GRAMD1A: variants seen among roughly 807,000 people sequenced by gnomAD.
GRAMD1A encodes the protein GRAM domain containing 1A.
GRAMD1A carries 50 observed loss-of-function variants against 92.0 expected under a neutral mutation model. The observed-to-expected ratio is 0.54, with a 90% CI of 0.43 to 0.69. GRAMD1A has a LOEUF of 0.69. GRAMD1A is among the 30% of genes least tolerant of loss of function. The pLI, the probability that GRAMD1A is intolerant of heterozygous loss-of-function variation, is 0.00. For missense variants in GRAMD1A, 819 were observed against 978.9 expected (o/e 0.84, Z 2.18); for synonymous variants, 405 against 403.6 (o/e 1.00, Z -0.04).
At chr19:34,997,788 C>T (rs1221631199), upstream of GRAMD1A, among the ~76,000 whole-genome samples, 1 of 152,042 alleles carries the variant, frequency 6.6e-6, no homozygotes, top group East Asian at 1.9e-4. Context: ...ACACAGGGTC[C>T]AGGCGTGCTG....
At position 35,013,184 on chromosome 19, in the gene GRAMD1A, T is replaced by C. The variant is rs529891328; in HGVS notation, c.607-72T>C. 3.9e-6 allele frequency: 3 copies of C among 768,294 alleles called. No individual in the cohort carries two copies. Among genetic ancestry groups the C allele is most frequent in the Non-Finnish European group, 2.2e-6 (1 of 459,994 alleles). 47.6% of individuals were successfully genotyped at this position (768,294 alleles called of 1,614,324 possible). ...CAGGGGAACTGCGGAGGCCGAGGGC[T>C]GGTGGGGAATCTGGCGGGCCGGGCT... On this transcript the variant is annotated intron_variant, in intron 7 of 19. Transcript: ENST00000317991. This position sits in a 1 kb window ranked among gnomAD's most constrained non-coding sequence, Gnocchi z 4.9.
At position 35,019,239 on chromosome 19, in the gene GRAMD1A, G is replaced by A. The variant is rs538898774; in HGVS notation, c.1262G>A (p.Arg421Gln). Residue 421 changes from arginine to glutamine, a missense_variant, in exon 12 of 20, where the codon CGG becomes CAG. Physicochemically the swap from Arg to Gln is conservative, Grantham distance 43. Coordinates refer to ENST00000317991, the MANE Select transcript of GRAMD1A (RefSeq NM_020895.5). ...WSGDSKCHQR[R>Q]VLTYTIPISN... ...GGGGACAGCAAGTGCCACCAGCGCC[G>A]GGTGCTGACGTACACCATCCCCATC... The A allele has an allele frequency of 1.1e-5, 17 of 1,613,392 alleles. No homozygotes were observed. Among genetic ancestry groups the A allele is most frequent in the African/African-American group, 2.7e-5 (2 of 75,000 alleles).
Position 35,013,345 on chromosome 19 carries a change from C to T in GRAMD1A, c.696C>T (p.Ser232=). ...CCAGTGAGGATGAGGACTATGTCTC[C>T]CCCTTGCAGCTGAACGGTCTGGGGT... is the stretch of plus-strand genomic sequence containing the variant. ...GLTSEDEDYV[S]PLQLNGLGTP... is the part of the protein sequence containing the mutation. Residue 232 remains serine, a synonymous_variant, in exon 8 of 20, where the codon TCC becomes TCT. Coordinates refer to ENST00000317991, the MANE Select transcript of GRAMD1A (RefSeq NM_020895.5). This position sits in a 1 kb window ranked among gnomAD's most constrained non-coding sequence, Gnocchi z 4.9. 1.3e-6 allele frequency: 2 copies of T among 1,554,598 alleles called. No homozygotes were observed. The highest frequency in any genetic ancestry group is 1.7e-6 in the Non-Finnish European group (2 of 1,147,076).
At position 35,000,960 on chromosome 19, in the gene GRAMD1A, C is replaced by G. The variant is rs1268820377; in HGVS notation, c.8+474C>G. On this transcript the variant is annotated intron_variant, in intron 1 of 19. Transcript: ENST00000317991. The surrounding 1 kb of genome is among the most constrained non-coding windows in gnomAD (Gnocchi z 4.9). ...CCCTCCTGCCTGGGCCCCCTCCCAC[C>G]GTCCTTGGCTGTTGCGGGTCTCGGG... Among the ~76,000 whole-genome samples, 1 of 151,728 alleles carries G rather than the reference C, an allele frequency of 6.6e-6. No homozygotes were observed. Among genetic ancestry groups the G allele is most frequent in the Non-Finnish European group, 1.5e-5 (1 of 67,910 alleles).
At chr19:35,005,945 C>A (rs1270424779) in intron 1 of GRAMD1A, 1 of 456,142 alleles carries the variant, frequency 2.2e-6, no homozygotes, top group Non-Finnish European at 4.4e-6. Flanking sequence ...AGAGAGACAA[C>A]TTTGAGTTGC....
At position 35,013,446 on chromosome 19, in the gene GRAMD1A, G is replaced by A. The variant is rs912222570; in HGVS notation, c.719+78G>A. 3 of 1,524,824 alleles carry A rather than the reference G, an allele frequency of 2.0e-6. No homozygotes were observed. The highest frequency in any genetic ancestry group is 2.7e-6 in the Non-Finnish European group (3 of 1,104,238). 94.5% of individuals were successfully genotyped at this position (1,524,824 alleles called of 1,614,324 possible). On this transcript the variant is annotated intron_variant, in intron 8 of 19. Transcript: ENST00000317991. The surrounding 1 kb of genome is among the most constrained non-coding windows in gnomAD (Gnocchi z 4.9). ...GGCGTGCAGAGTTCCTGGAGTGCTG[G>A]GGGGCCTGAGATGGTTGTATGACGT... is the stretch of plus-strand genomic sequence containing the variant.
chr19:35,018,791 G>A (rs891549855), intron 11 of GRAMD1A, among the ~76,000 whole-genome samples: 2 of 152,118 alleles, frequency 1.3e-5, no homozygotes, highest in African/African-American at 4.8e-5. Flanking sequence ...CCAGGGCAAG[G>A]CCTACCGCTC....
intron 1 of GRAMD1A, chr19:35,002,490 T>A (rs1211192371): frequency 6.5e-6 from 1 of 152,712 alleles, no homozygotes; most frequent in African/African-American, 2.4e-5. Flanking sequence ...AACCTCTGCC[T>A]CCTGGGTTCA....
At chr19:35,019,361 G>T (rs748190189) in intron 12 of GRAMD1A, 30 bp from the exon 13 acceptor site, 1 of 1,613,336 alleles carries the variant, frequency 6.2e-7, no homozygotes, top group Non-Finnish European at 8.5e-7. Context: ...GAGTGGGGTG[G>T]CCCTGACTTC....
In GRAMD1A at chr19:35,014,327, C is replaced by A; in HGVS notation, c.1009C>A (p.Leu337Met). Residue 337 changes from leucine to methionine, a missense_variant, in exon 10 of 20, where the codon CTG becomes ATG. Leu to Met is a conservative substitution (Grantham distance 15). Coordinates refer to ENST00000317991, the MANE Select transcript of GRAMD1A (RefSeq NM_020895.5). ...GPTTLGPLDL[L>M]PSEELLTDTS... ...CACCACCCTGGGCCCCTTGGATCTG[C>A]TGCCCAGTGAGGAGCTATTGACAGA... 1.2e-6 allele frequency: 2 copies of A among 1,614,170 alleles called. No homozygotes were observed. The highest frequency in any genetic ancestry group is 1.7e-6 in the Non-Finnish European group (2 of 1,179,994).
intron 11 of GRAMD1A, among the ~76,000 whole-genome samples, chr19:35,016,730 A>G (rs922179800): frequency 6.6e-6 from 1 of 151,770 alleles, no homozygotes; most frequent in Admixed American, 6.6e-5. Flanking sequence ...GTGAAACCCC[A>G]TCTCCACTAA....
At chr19:34,995,571 GTTTT>G (rs59556577), upstream of GRAMD1A, among the ~76,000 whole-genome samples, 9 of 93,692 alleles carry the variant, frequency 9.6e-5, no homozygotes, top group Admixed American at 9.1e-4. Context: ...CAGATCACGG[GTTTT>G]TTTTTTTTTT....
At chr19:35,009,548 G>T in intron 3 of GRAMD1A, 105 bp downstream of exon 3, 1 of 1,180,412 alleles carries the variant, frequency 8.5e-7, no homozygotes, top group Non-Finnish European at 1.3e-6. Flanking sequence ...GATGGAGTGG[G>T]TGCAGACCTA....
At position 35,010,141 on chromosome 19, in the gene GRAMD1A, CCT is replaced by C; in HGVS notation, c.380_381del (p.Ser127Ter). The stretch of plus-strand genomic sequence containing the variant: ...AGATCCTGCTCCAGGGCCGCCTCTA[CCT>C]CTCTGAGAACTGGATCTGCTTCTAC... The part of the protein sequence containing the change: ...REILLQGRLY[L>X]SENWICFYSN... On this transcript the variant is annotated frameshift_variant, in exon 5 of 20. Coordinates refer to ENST00000317991, the MANE Select transcript of GRAMD1A (RefSeq NM_020895.5). LOFTEE classifies it high-confidence loss of function. 1 of 1,613,480 alleles carries C rather than the reference CCT, an allele frequency of 6.2e-7. No individual in the cohort carries two copies. The highest frequency in any genetic ancestry group is 8.5e-7 in the Non-Finnish European group (1 of 1,179,376).
chr19:35,015,921 G>A lies in GRAMD1A; in HGVS notation c.1167G>A (p.Ser389=), dbSNP rs555687432. The A allele has an allele frequency of 6.9e-5, 112 of 1,614,054 alleles. No individual in the cohort carries two copies. The South Asian group carries it at 9.0e-4, about 13-fold the overall frequency. Residue 389 remains serine (S), a synonymous_variant, in exon 11 of 20, where the codon TCG becomes TCA. Transcript: ENST00000317991. ...GAERLQQMLF[S]DSPFLQGFLQ... ...AGCGGCTCCAGCAGATGCTCTTCTCGGACTCGCCCTTCCTCCAGGGCTTCC... is the reference window on the plus strand; with the variant it reads ...AGCGGCTCCAGCAGATGCTCTTCTCAGACTCGCCCTTCCTCCAGGGCTTCC...
rs200028587 is a variant in GRAMD1A at position 35,019,289 on chromosome 19, G to A, written c.1312G>A (p.Ala438Thr). Residue 438 changes from alanine (A) to threonine (T), a missense_variant, in exon 12 of 20, where the codon GCC (alanine) becomes ACC (threonine). Transcript: ENST00000317991. ...CAGCAACCCACTGGGCCCCAAGAGC[G>A]CCTCCGTGGTGGAGACACAGGTGGG... Reference protein sequence around the residue: ...PISNPLGPKSASVVETQTLFR... With the variant: ...PISNPLGPKSTSVVETQTLFR... 12 of 1,613,082 alleles carry A rather than the reference G, an allele frequency of 7.4e-6. No homozygotes were observed. The highest frequency in any genetic ancestry group is 3.3e-5 in the South Asian group (3 of 91,036).
intron 16 of GRAMD1A, 46 bp from the exon 17 acceptor site, chr19:35,022,854 C>T: frequency 1.9e-6 from 3 of 1,590,838 alleles, no homozygotes; most frequent in Non-Finnish European, 2.6e-6. Flanking sequence ...GGGGGCAGGC[C>T]AGGCGGCGCT....
chr19:35,006,722 A>G (rs8113650), intron 1 of GRAMD1A, among the ~76,000 whole-genome samples: 69,528 of 152,058 alleles, frequency 0.46, 16,406 homozygotes, highest in African/African-American at 0.57. Context: ...TTGAGCATTC[A>G]CTATGTGCCT....
intron 10 of GRAMD1A, chr19:35,014,766 C>T (rs560198076): frequency 8.0e-5 from 19 of 237,546 alleles, no homozygotes; most frequent in Non-Finnish European, 1.5e-4. Flanking sequence ...TGGCTCACAC[C>T]TGTAATCCCA....
Sources: gnomAD v4.1 joint callset for allele counts (sites outside exome capture counted in the v4.1 genomes callset) on GRCh38, gnomAD v4.1.1 for gene constraint, Gnocchi (gnomAD v3.1) non-coding constraint, MANE v1.5 for transcripts, NCBI Gene and HGNC (gene_info 2026-07-23, HGNC 2026-07-21) for gene names.